EIF3K: variants seen among roughly 807,000 people sequenced by gnomAD.
EIF3K encodes eIF-3 p28.
In EIF3K, 27 loss-of-function variants were observed where a neutral mutation model predicts 34.2. That is an observed-to-expected ratio of 0.79 (90% CI 0.58 to 1.09). The LOEUF (loss-of-function observed/expected upper bound fraction) is 1.09. Among genes scored for constraint, EIF3K ranks in the 50% least tolerant of loss-of-function variants. The pLI, the probability that EIF3K is intolerant of heterozygous loss-of-function variation, is 0.00. For synonymous variants in EIF3K, 105 were observed against 105.7 expected (o/e 0.99, Z 0.04); for missense variants, 232 against 275.4 (o/e 0.84, Z 1.11).
chr19:38,622,889 G>A (rs557287749), intron 2 of EIF3K, among the ~76,000 whole-genome samples: 1 of 152,320 alleles, frequency 6.6e-6, no homozygotes, highest in South Asian at 2.1e-4. Flanking sequence ...TGTTCTGCCC[G>A]GCTCACCGGC....
intron 6 of EIF3K, chr19:38,632,977 C>A: frequency 2.8e-6 from 1 of 355,898 alleles, no homozygotes; most frequent in South Asian, 5.6e-5. Context: ...GGTAGCAAAG[C>A]ACATGGCGAC....
At chr19:38,624,225 G>C in intron 3 of EIF3K, 28 bp downstream of exon 3, 2 of 1,613,630 alleles carry the variant, frequency 1.2e-6, no homozygotes, top group Non-Finnish European at 1.7e-6. Flanking sequence ...GGGCCGGGGG[G>C]TGTGTGGGAA....
rs149662999 is a variant in EIF3K, at chr19:38,621,074, G to A, written c.158+639G>A. On this transcript the variant is annotated intron_variant, in intron 2 of 7. Transcript: ENST00000248342. The stretch of plus-strand genomic sequence containing the variant: ...AAAATTAATGTAGCGGTGTGTGGCT[G>A]TAGTTCCAGCTACTTGAGAGGCTGA... 1.6e-3 allele frequency among the ~76,000 whole-genome samples: 243 copies of A among 151,932 alleles called. 1 individual carries two copies. Among genetic ancestry groups the A allele is most frequent in the Admixed American group, 3.5e-3 (54 of 15,238 alleles).
In EIF3K at chr19:38,619,190, C is replaced by T. The variant is rs1299513357; in HGVS notation, c.-79C>T. 6.5e-7 allele frequency: 1 copy of T among 1,532,852 alleles called. No individual in the cohort carries two copies. Among genetic ancestry groups the T allele is most frequent in the African/African-American group, 1.4e-5 (1 of 73,330 alleles). 95.0% of individuals were successfully genotyped at this position (1,532,852 alleles called of 1,614,324 possible). A position where few individuals can be genotyped will look rare whatever the true frequency, so the allele number is the denominator to read the frequency against. On this transcript the variant is annotated 5_prime_UTR_variant, in exon 1 of 8. Transcript: ENST00000248342. Reference sequence around the variant, plus strand: ...GACGTCGTTTCCGTTTCCACCACCTCTTCCTGTTCCCGTCCTTGAGGACGC... The same window carrying T: ...GACGTCGTTTCCGTTTCCACCACCTTTTCCTGTTCCCGTCCTTGAGGACGC...
chr19:38,635,138 C>T lies in EIF3K; in HGVS notation c.625+20C>T. 1 of 1,614,074 alleles carries T rather than the reference C, an allele frequency of 6.2e-7. No individual in the cohort carries two copies. The highest frequency in any genetic ancestry group is 1.3e-5 in the African/African-American group (1 of 75,068). ...TTGACAGTGAGTGGTGACCCACGGC[C>T]TCGGGCTTTGGGGCTAAGGGGGTGC... is the stretch of plus-strand genomic sequence containing the variant. On this transcript the variant is annotated intron_variant, in intron 7 of 7. Coordinates refer to ENST00000248342, the MANE Select transcript of EIF3K (RefSeq NM_013234.4).
At chr19:38,622,102 T>C (rs1405556383) in intron 2 of EIF3K, among the ~76,000 whole-genome samples, 1 of 148,468 alleles carries the variant, frequency 6.7e-6, no homozygotes, top group Non-Finnish European at 1.5e-5. Context: ...TTCTTTCCTT[T>C]TTTTTTTTTT....
chr19:38,621,955 G>C (rs568694084), intron 2 of EIF3K, among the ~76,000 whole-genome samples: 2 of 146,936 alleles, frequency 1.4e-5, no homozygotes, highest in South Asian at 4.4e-4. Flanking sequence ...GCCCAGGCTG[G>C]AGTACAGTGG....
intron 2 of EIF3K, 53 bp from the exon 3 acceptor site, chr19:38,624,024 G>A (rs1975896626): frequency 6.2e-7 from 1 of 1,612,500 alleles, no homozygotes; most frequent in Non-Finnish European, 8.5e-7. Context: ...ACCTGGTGAG[G>A]ATTGGGGACT....
At chr19:38,636,853 C>G (rs2144787759) in intron 7 of EIF3K, 36 bp from the exon 8 acceptor site, 1 of 1,614,108 alleles carries the variant, frequency 6.2e-7, no homozygotes, top group Non-Finnish European at 8.5e-7. Flanking sequence ...GTCTCCCGCC[C>G]TTCTCACCTT....
At position 38,625,008 on chromosome 19, in the gene EIF3K, C is replaced by T. The variant is rs114910933; in HGVS notation, c.279+811C>T. ...GGAGGAGGGAACATCTAAAACATAA[C>T]GAGTTAGGTGGAGGGGTAGGCAAAG... On this transcript the variant is annotated intron_variant, in intron 3 of 7. Coordinates refer to ENST00000248342, the MANE Select transcript of EIF3K (RefSeq NM_013234.4). 3.9e-3 allele frequency among the ~76,000 whole-genome samples: 593 copies of T among 152,004 alleles called. 3 individuals are homozygous for T. The highest frequency in any genetic ancestry group is 0.014 in the African/African-American group (563 of 41,466).
At chr19:38,624,836 T>C (rs146666118) in intron 3 of EIF3K, among the ~76,000 whole-genome samples, 5,071 of 152,004 alleles carry the variant, frequency 0.033, 116 homozygotes, top group Admixed American at 0.064. Context: ...TATAGAACAA[T>C]GTCTGGAAAG....
intron 4 of EIF3K, among the ~76,000 whole-genome samples, chr19:38,630,347 A>AT (rs71165567): frequency 0.017 from 2,137 of 124,362 alleles, 27 homozygotes; most frequent in Middle Eastern, 0.036. Context: ...TTATTTATTT[A>AT]TTTTTTTTTT....
chr19:38,636,850 G>A (rs770505920), intron 7 of EIF3K, 39 bp from the exon 8 acceptor site: 23 of 1,613,818 alleles, frequency 1.4e-5, no homozygotes, highest in African/African-American at 8.0e-5. Context: ...TTTGTCTCCC[G>A]CCCTTCTCAC....
Position 38,624,310 on chromosome 19 carries a change from C to G in EIF3K, c.279+113C>G, listed in dbSNP as rs1975904153. On this transcript the variant is annotated intron_variant, in intron 3 of 7. Transcript: ENST00000248342. ...TATCCACAAACAACAAGTGCCTGCT[C>G]TGGTCCAGCGTGGCAAGGTGCTGGA... is the stretch of plus-strand genomic sequence containing the variant. The G allele has an allele frequency of 2.3e-5, 34 of 1,502,938 alleles. 1 individual carries two copies. The South Asian group carries it at 3.8e-4, about 17-fold the overall frequency. The allele number at this position is 1,502,938 out of a possible 1,614,324, so 93.1% of individuals were successfully genotyped here.
intron 4 of EIF3K, among the ~76,000 whole-genome samples, chr19:38,629,451 AC>A (rs1976016074): frequency 6.6e-6 from 1 of 152,126 alleles, no homozygotes; most frequent in African/African-American, 2.4e-5. Flanking sequence ...CCACGCCAAC[AC>A]GCCTGGCTAA....
intron 4 of EIF3K, chr19:38,631,958 A>T (rs73552646): frequency 0.012 from 2,359 of 191,926 alleles, 50 homozygotes; most frequent in African/African-American, 0.049. Flanking sequence ...CTCAGGGAGC[A>T]CGGGGTAAGG....
intron 5 of EIF3K, 41 bp downstream of exon 5, chr19:38,632,537 G>GTAGGGA: frequency 6.2e-7 from 1 of 1,613,690 alleles, no homozygotes; most frequent in Non-Finnish European, 8.5e-7. Context: ...AGGGGAAGGG[G>GTAGGGA]TAGGGAGTGG....
intron 6 of EIF3K, among the ~76,000 whole-genome samples, chr19:38,633,698 AAAG>A (rs1377554814): frequency 6.6e-6 from 1 of 150,644 alleles, no homozygotes; most frequent in African/African-American, 2.4e-5. Context: ...CTAAAAAAAA[AAAG>A]AAACTAAGGA....
intron 4 of EIF3K, chr19:38,630,707 C>T (rs1287643242): frequency 6.6e-6 from 1 of 151,670 alleles, no homozygotes; most frequent in East Asian, 1.9e-4. Flanking sequence ...GACAGAGCCT[C>T]CCTCTGTCGC....
Sources: allele counts gnomAD v4.1 joint callset (sites outside exome capture counted in the v4.1 genomes callset), GRCh38; gene constraint gnomAD v4.1.1; transcripts MANE v1.5; gene names NCBI Gene and HGNC (gene_info 2026-07-23, HGNC 2026-07-21).